The following DPP6 variants were observed in gnomAD, a reference collection of about 807,000 sequenced individuals.
DPP6 encodes the protein dipeptidyl peptidase like 6.
A neutral mutation model predicts 122.6 loss-of-function variants in DPP6; 69 were observed. The ratio of observed to expected loss-of-function variants is 0.56; its 90% CI spans 0.46 to 0.69. The LOEUF is 0.69. DPP6 is among the 30% of genes least tolerant of loss of function. The pLI is 0.00. For synonymous variants in DPP6, 418 were observed against 433.1 expected, an observed-to-expected ratio of 0.97 and a Z score of 0.43; for missense variants, 928 against 1,116.9, an observed-to-expected ratio of 0.83 and a Z score of 2.41.
intron 1 of DPP6, among the ~76,000 whole-genome samples, chr7:154,109,662 T>C (rs1806428022): frequency 6.6e-6 from 1 of 152,216 alleles, no homozygotes; most frequent in South Asian, 2.1e-4. Context: ...ATTTTATTGA[T>C]GATGTGTGCA....
At chr7:154,325,061 T>C (rs958293817) in intron 1 of DPP6, among the ~76,000 whole-genome samples, 1 of 151,974 alleles carries the variant, frequency 6.6e-6, no homozygotes, top group African/African-American at 2.4e-5. Flanking sequence ...GAGACAAGGT[T>C]TTACCATATT....
chr7:154,553,902 CAAAAA>C (rs56020996), intron 4 of DPP6, among the ~76,000 whole-genome samples: 3,832 of 103,128 alleles, frequency 0.037, 177 homozygotes, highest in African/African-American at 0.13. Context: ...AGCCTAATGC[CAAAAA>C]AAAAAAAAAA....
chr7:154,521,478 A>G (rs1035962102), intron 3 of DPP6, among the ~76,000 whole-genome samples: 1 of 152,142 alleles, frequency 6.6e-6, no homozygotes, highest in African/African-American at 2.4e-5. Context: ...TTAAAAGTCT[A>G]AACAGGACTC....
At chr7:154,184,663 AG>A (rs1563290427) in intron 1 of DPP6, among the ~76,000 whole-genome samples, 1 of 151,606 alleles carries the variant, frequency 6.6e-6, no homozygotes, top group Non-Finnish European at 1.5e-5. Context: ...CTGAACAAAA[AG>A]AAAAAGTTTA....
At chr7:154,744,467 C>CA (rs1415920399) in intron 8 of DPP6, among the ~76,000 whole-genome samples, 3 of 152,252 alleles carry the variant, frequency 2.0e-5, no homozygotes, top group Non-Finnish European at 2.9e-5. Context: ...CTGGGCCCCC[C>CA]ACGGTGTTGA....
chr7:154,704,374 G>A (rs1289786674), intron 7 of DPP6, among the ~76,000 whole-genome samples: 2 of 152,126 alleles, frequency 1.3e-5, no homozygotes, highest in African/African-American at 2.4e-5. Context: ...TGACAACAGA[G>A]GATTTAGAAT....
chr7:154,129,537 C>T (rs915186734), intron 1 of DPP6, among the ~76,000 whole-genome samples: 20 of 152,150 alleles, frequency 1.3e-4, no homozygotes, highest in African/African-American at 4.6e-4. Flanking sequence ...CTGAGATAGG[C>T]GGATTGCTTC....
chr7:154,868,223 C>T (rs1804063916), intron 18 of DPP6, 130 bp downstream of exon 18: 1 of 1,249,404 alleles, frequency 8.0e-7, no homozygotes, highest in African/African-American at 1.5e-5. Flanking sequence ...CTTTGCCCCT[C>T]AGCTCCTCTG....
chr7:154,868,037 T>C lies in DPP6; in HGVS notation c.1757T>C (p.Ile586Thr), dbSNP rs1182289259. 4 of 1,608,944 alleles carry C rather than the reference T, an allele frequency of 2.5e-6. No homozygotes were observed. The highest frequency in any genetic ancestry group is 1.1e-5 in the South Asian group (1 of 89,348). The change falls in exon 18 of 26, where the codon ATA becomes ACA. Residue 586 changes from isoleucine to threonine, a missense_variant. Ile to Thr is a moderately conservative substitution (Grantham distance 89). Transcript: ENST00000377770. ...ACAAATGAACATGTCAAGAAGGCCA[T>C]AAATGACCGACAGATGCCTAAAGTG... Reference protein sequence around the residue: ...LETNEHVKKAINDRQMPKVEY... With the variant: ...LETNEHVKKATNDRQMPKVEY...
chr7:154,662,161 C>T (rs1837740951), intron 6 of DPP6, among the ~76,000 whole-genome samples: 1 of 150,768 alleles, frequency 6.6e-6, no homozygotes, highest in Non-Finnish European at 1.5e-5. Context: ...GGCATATTGG[C>T]CGTAGTGTTC....
chr7:154,451,682 G>C (rs1296769300), intron 2 of DPP6, among the ~76,000 whole-genome samples: 1 of 152,240 alleles, frequency 6.6e-6, no homozygotes, highest in Non-Finnish European at 1.5e-5. Flanking sequence ...CTGACGGCCA[G>C]TTGTCAGGGG....
intron 1 of DPP6, among the ~76,000 whole-genome samples, chr7:154,419,951 T>C (rs908381882): frequency 6.6e-6 from 1 of 152,128 alleles, no homozygotes; most frequent in African/African-American, 2.4e-5. Context: ...TAAACGTCCA[T>C]TGAAATGTGG....
chr7:154,887,880 C>A, intron 23 of DPP6, 146 bp downstream of exon 23: 2 of 954,054 alleles, frequency 2.1e-6, no homozygotes, highest in Non-Finnish European at 3.4e-6. Context: ...CAGAAACCTC[C>A]GAAGGATCAT....
At chr7:154,729,985 C>T (rs988743599) in intron 8 of DPP6, among the ~76,000 whole-genome samples, 11 of 152,204 alleles carry the variant, frequency 7.2e-5, no homozygotes, top group Non-Finnish European at 1.6e-4. Context: ...GAGGTACAGG[C>T]AGCAGCACAA....
chr7:154,497,166 C>T (rs1824815691), intron 3 of DPP6, among the ~76,000 whole-genome samples: 1 of 152,198 alleles, frequency 6.6e-6, no homozygotes, highest in Non-Finnish European at 1.5e-5. Flanking sequence ...TTCCATCTCA[C>T]ATCTGACAGA....
At chr7:154,124,060 T>G (rs971585232) in intron 1 of DPP6, among the ~76,000 whole-genome samples, 1 of 151,452 alleles carries the variant, frequency 6.6e-6, no homozygotes, top group Non-Finnish European at 1.5e-5. Flanking sequence ...CTGGGATAGA[T>G]GTGCCACCCA....
At chr7:154,116,329 A>G (rs949334311) in intron 1 of DPP6, among the ~76,000 whole-genome samples, 2 of 152,142 alleles carry the variant, frequency 1.3e-5, no homozygotes, top group Admixed American at 6.5e-5. Flanking sequence ...CTGGGTTCAA[A>G]CTCTTTATTT....
Position 154,821,435 on chromosome 7 carries a change from C to T in DPP6, c.1666+14323C>T, listed in dbSNP as rs988535103. 6.6e-6 allele frequency among the ~76,000 whole-genome samples: 1 copy of T among 151,632 alleles called. No homozygotes were observed. Among genetic ancestry groups the T allele is most frequent in the Non-Finnish European group, 1.5e-5 (1 of 67,966 alleles). On this transcript the variant is annotated intron_variant, in intron 16 of 25. Coordinates refer to ENST00000377770, the MANE Select transcript of DPP6 (RefSeq NM_130797.4). The surrounding 1 kb of genome is among the most constrained non-coding windows in gnomAD (Gnocchi z 4.2). ...AATAGATGAGAGGGAAATGACTGAC[C>T]GATTGATTGGCAGGTAGGAAAATTA...
intron 7 of DPP6, among the ~76,000 whole-genome samples, chr7:154,717,810 T>A (rs1841575679): frequency 6.6e-6 from 1 of 152,346 alleles, no homozygotes; most frequent in East Asian, 1.9e-4. Context: ...TTTTTCATTT[T>A]TTAAGGAACC....
Sources: allele counts gnomAD v4.1 joint callset (sites outside exome capture counted in the v4.1 genomes callset), GRCh38; gene constraint gnomAD v4.1.1; non-coding constraint Gnocchi (gnomAD v3.1); transcripts MANE v1.5; gene names NCBI Gene and HGNC (gene_info 2026-07-23, HGNC 2026-07-21).